CNTN6: variants seen among roughly 807,000 people sequenced by gnomAD.
CNTN6 encodes contactin-6.
A neutral mutation model predicts 122.8 loss-of-function variants in CNTN6; 137 were observed. The observed-to-expected ratio is 1.12, with a 90% CI of 0.97 to 1.29. The LOEUF is 1.29. Among genes scored for constraint, CNTN6 ranks in the 50% most tolerant of loss-of-function variants. The pLI is 0.00. For missense variants in CNTN6, 1,634 were observed against 1,223.4 expected (o/e 1.34, Z -5.01); for synonymous variants, 570 against 426.0 (o/e 1.34, Z -4.16).
intron 5 of CNTN6, among the ~76,000 whole-genome samples, chr3:1,290,555 GT>G (rs1356288188): frequency 6.6e-6 from 1 of 152,160 alleles, no homozygotes; most frequent in Non-Finnish European, 1.5e-5. Context: ...CCATGAGAGG[GT>G]TCTTGGATCT....
At chr3:1,285,619 A>G (rs146881570) in intron 5 of CNTN6, among the ~76,000 whole-genome samples, 26 of 152,306 alleles carry the variant, frequency 1.7e-4, no homozygotes, top group East Asian at 5.8e-4. Context: ...AGATATCTCA[A>G]TTTTACAAAT....
chr3:1,199,426 C>A (rs557996900), intron 2 of CNTN6, among the ~76,000 whole-genome samples: 16 of 152,094 alleles, frequency 1.1e-4, no homozygotes, highest in East Asian at 3.9e-4. Flanking sequence ...GCAGTCCCCC[C>A]ACCTTGGCCC....
intron 6 of CNTN6, among the ~76,000 whole-genome samples, chr3:1,296,927 T>G (rs984148968): frequency 6.6e-6 from 1 of 152,048 alleles, no homozygotes; most frequent in Non-Finnish European, 1.5e-5. Context: ...ATCCCCTCTA[T>G]TCCCTTGAAT....
At chr3:1,304,074 C>A (rs758642338) in intron 7 of CNTN6, among the ~76,000 whole-genome samples, 1 of 152,152 alleles carries the variant, frequency 6.6e-6, no homozygotes, top group African/African-American at 2.4e-5. Flanking sequence ...CTCTGCAATT[C>A]CAGCCACTTC....
intron 19 of CNTN6, among the ~76,000 whole-genome samples, chr3:1,385,391 A>G (rs1692721383): frequency 6.6e-6 from 1 of 152,288 alleles, no homozygotes; most frequent in East Asian, 1.9e-4. Context: ...ACGTTCTCTA[A>G]TTTCCATTGT....
chr3:1,325,361 G>C (rs925868662), intron 8 of CNTN6, among the ~76,000 whole-genome samples: 1 of 151,780 alleles, frequency 6.6e-6, no homozygotes, highest in African/African-American at 2.4e-5. Context: ...TATGCTTCAA[G>C]GTATTGAGTT....
chr3:1,249,003 G>C (rs2094620955), intron 4 of CNTN6, among the ~76,000 whole-genome samples: 1 of 152,172 alleles, frequency 6.6e-6, no homozygotes, highest in Non-Finnish European at 1.5e-5. Flanking sequence ...TGCAAATTCT[G>C]ATTCAGTAGG....
At chr3:1,177,294 T>C (rs901964812) in intron 2 of CNTN6, among the ~76,000 whole-genome samples, 1 of 152,198 alleles carries the variant, frequency 6.6e-6, no homozygotes, top group Non-Finnish European at 1.5e-5. Context: ...TATAATGAAG[T>C]ATTGTGTCTA....
At chr3:1,127,339 A>G (rs1363646330) in intron 1 of CNTN6, among the ~76,000 whole-genome samples, 1 of 151,884 alleles carries the variant, frequency 6.6e-6, no homozygotes, top group Non-Finnish European at 1.5e-5. Flanking sequence ...CATAATGGAC[A>G]AAAGGATAAA....
intron 1 of CNTN6, among the ~76,000 whole-genome samples, chr3:1,128,024 A>G (rs941948381): frequency 1.3e-5 from 2 of 151,956 alleles, no homozygotes; most frequent in Non-Finnish European, 2.9e-5. Flanking sequence ...AAATTTTTCT[A>G]AATTAAGTGC....
intron 11 of CNTN6, among the ~76,000 whole-genome samples, chr3:1,342,672 G>A (rs988697222): frequency 6.6e-6 from 1 of 152,008 alleles, no homozygotes; most frequent in African/African-American, 2.4e-5. Context: ...AGATCTTATT[G>A]CGACAATTCT....
At chr3:1,277,636 C>T (rs148836040) in intron 4 of CNTN6, among the ~76,000 whole-genome samples, 6,012 of 152,154 alleles carry the variant, frequency 0.04, 172 homozygotes, top group South Asian at 0.074. Flanking sequence ...GCTGGGATTA[C>T]AGGAGTGAGC....
At chr3:1,266,099 C>T (rs1366048472) in intron 4 of CNTN6, among the ~76,000 whole-genome samples, 1 of 151,746 alleles carries the variant, frequency 6.6e-6, no homozygotes, top group East Asian at 1.9e-4. Context: ...AATGTCTCTT[C>T]TGCTTATCTC....
intron 5 of CNTN6, among the ~76,000 whole-genome samples, chr3:1,282,378 C>T (rs1693619774): frequency 6.6e-6 from 1 of 152,168 alleles, no homozygotes; most frequent in African/African-American, 2.4e-5. Flanking sequence ...AGAAAAATAA[C>T]CTAAGCAATA....
chr3:1,239,868 C>A (rs2094461454), intron 4 of CNTN6, among the ~76,000 whole-genome samples: 1 of 152,022 alleles, frequency 6.6e-6, no homozygotes, highest in South Asian at 2.1e-4. Flanking sequence ...GAAATAAAGC[C>A]AAAAACTTGC....
At chr3:1,336,304 AT>A (rs11417291) in intron 11 of CNTN6, among the ~76,000 whole-genome samples, 14 of 151,162 alleles carry the variant, frequency 9.3e-5, no homozygotes, top group East Asian at 2.0e-4. Flanking sequence ...ATTAAAGCAC[AT>A]TTTTTTTTCA....
intron 16 of CNTN6, among the ~76,000 whole-genome samples, chr3:1,374,569 T>C (rs190194429): frequency 2.6e-5 from 4 of 152,202 alleles, no homozygotes; most frequent in Non-Finnish European, 4.4e-5. Flanking sequence ...GGGGCACTAA[T>C]TGAGCATTAA....
intron 12 of CNTN6, among the ~76,000 whole-genome samples, chr3:1,359,477 T>A (rs1366559162): frequency 6.6e-6 from 1 of 152,210 alleles, no homozygotes; most frequent in African/African-American, 2.4e-5. Flanking sequence ...AGTCTTTTAA[T>A]ATTTATTCCA....
chr3:1,122,858 G>C (rs2092014542), intron 1 of CNTN6, among the ~76,000 whole-genome samples: 1 of 151,838 alleles, frequency 6.6e-6, no homozygotes, highest in African/African-American at 2.4e-5. Context: ...CATTTGGGCT[G>C]TTTCCACCAT....
Sources: allele counts gnomAD v4.1 joint callset (sites outside exome capture counted in the v4.1 genomes callset), GRCh38; gene constraint gnomAD v4.1.1; transcripts MANE v1.5; gene names NCBI Gene and HGNC (gene_info 2026-07-23, HGNC 2026-07-21).